Variants in CCSER1 observed in about 807,000 individuals in gnomAD.
CCSER1 encodes serine-rich coiled-coil domain-containing protein 1.
CCSER1 carries 41 observed loss-of-function variants against 82.0 expected under a neutral mutation model. The observed-to-expected ratio is 0.50, with a 90% CI of 0.39 to 0.65. CCSER1 has a LOEUF of 0.65. Among genes scored for constraint, CCSER1 ranks in the 30% least tolerant of loss-of-function variants. The probability of loss-of-function intolerance (pLI) is 0.00; values close to 1 mark genes in which losing one functional copy is unlikely to be tolerated. For missense variants in CCSER1, 1,119 were observed against 1,064.2 expected (o/e 1.05, Z -0.72); for synonymous variants, 414 against 383.9 (o/e 1.08, Z -0.92).
At chr4:90,212,683 T>C (rs1424624140) in intron 1 of CCSER1, among the ~76,000 whole-genome samples, 1 of 152,214 alleles carries the variant, frequency 6.6e-6, no homozygotes, top group African/African-American at 2.4e-5. Context: ...CAAAAGAGTA[T>C]AGATATATTG....
intron 9 of CCSER1, among the ~76,000 whole-genome samples, chr4:90,956,073 C>A (rs934606082): frequency 6.6e-6 from 1 of 151,966 alleles, no homozygotes; most frequent in African/African-American, 2.4e-5. Flanking sequence ...GGGTGTAGGA[C>A]CGAGAACAGT....
Position 90,634,278 on chromosome 4 carries a change from T to C in CCSER1, c.1932+6046T>C, listed in dbSNP as rs73833741. Among the ~76,000 whole-genome samples, 903 of 151,826 alleles carry C rather than the reference T, an allele frequency of 5.9e-3. 11 individuals carry two copies. Among genetic ancestry groups the C allele is most frequent in the African/African-American group, 0.02 (843 of 41,534 alleles). On this transcript the variant is annotated intron_variant, in intron 6 of 10. Transcript: ENST00000509176. ...CAGGCCCATATAGTTGATGCAAATA[T>C]TGGGGCTGTGAAACATTTGCAAAAG...
chr4:91,446,986 T>A (rs1755607460), intron 10 of CCSER1, among the ~76,000 whole-genome samples: 1 of 152,044 alleles, frequency 6.6e-6, no homozygotes, highest in Non-Finnish European at 1.5e-5. Context: ...TTTCCCTAAG[T>A]TAAGGGTAGC....
intron 10 of CCSER1, among the ~76,000 whole-genome samples, chr4:91,247,605 A>G (rs1241503734): frequency 6.6e-6 from 1 of 152,190 alleles, no homozygotes; most frequent in African/African-American, 2.4e-5. Context: ...ATGGTGGCTC[A>G]TGCCTGTAAT....
chr4:90,598,289 T>G (rs1292293347), intron 5 of CCSER1, among the ~76,000 whole-genome samples: 1 of 152,152 alleles, frequency 6.6e-6, no homozygotes, highest in Non-Finnish European at 1.5e-5. Context: ...TTAAATATAC[T>G]TTAAGTTTTA....
intron 1 of CCSER1, among the ~76,000 whole-genome samples, chr4:90,140,947 G>T (rs186872060): frequency 2.6e-5 from 4 of 152,092 alleles, no homozygotes; most frequent in Admixed American, 1.3e-4. Flanking sequence ...TTACCGGAGT[G>T]AGCCACCGCG....
intron 9 of CCSER1, among the ~76,000 whole-genome samples, chr4:91,054,898 T>C (rs548421511): frequency 1.3e-5 from 2 of 152,326 alleles, no homozygotes; most frequent in African/African-American, 4.8e-5. Flanking sequence ...TTTGAGATAC[T>C]TAACCTGTAG....
intron 9 of CCSER1, among the ~76,000 whole-genome samples, chr4:90,953,084 T>C (rs1733080062): frequency 6.6e-6 from 1 of 152,054 alleles, no homozygotes; most frequent in Non-Finnish European, 1.5e-5. Context: ...GTATAAAGGA[T>C]TTTCAGATGC....
chr4:91,411,856 TAA>T (rs35429800), intron 10 of CCSER1, among the ~76,000 whole-genome samples: 13 of 148,588 alleles, frequency 8.7e-5, no homozygotes, highest in East Asian at 2.0e-4. Context: ...TGTTACACAG[TAA>T]AAAAAAAAAG....
chr4:90,930,759 T>C (rs897454757), intron 9 of CCSER1, among the ~76,000 whole-genome samples: 8 of 151,838 alleles, frequency 5.3e-5, no homozygotes, highest in Non-Finnish European at 1.2e-4. Flanking sequence ...TATTATAATC[T>C]GTATGAAGCT....
At chr4:90,469,487 G>A (rs1764063433) in intron 5 of CCSER1, among the ~76,000 whole-genome samples, 1 of 146,524 alleles carries the variant, frequency 6.8e-6, no homozygotes, top group Non-Finnish European at 1.5e-5. Flanking sequence ...TTTGCCAATT[G>A]AATTATATTA....
intron 5 of CCSER1, among the ~76,000 whole-genome samples, chr4:90,473,557 AT>A (rs1764670168): frequency 6.6e-6 from 1 of 152,198 alleles, no homozygotes; most frequent in African/African-American, 2.4e-5. Context: ...AGACATTATC[AT>A]TTAGTACAAA....
At chr4:90,254,457 G>A (rs1722918812) in intron 1 of CCSER1, among the ~76,000 whole-genome samples, 1 of 152,104 alleles carries the variant, frequency 6.6e-6, no homozygotes, top group Admixed American at 6.6e-5. Flanking sequence ...GGACATTCAG[G>A]GCTCAGTATT....
intron 9 of CCSER1, among the ~76,000 whole-genome samples, chr4:90,962,239 A>T (rs1561423189): frequency 1.3e-5 from 2 of 152,086 alleles, no homozygotes; most frequent in Non-Finnish European, 2.9e-5. Context: ...TGTAAAAAAA[A>T]ATCTCTTAGT....
rs1560919228 is a variant in CCSER1, at chr4:90,271,848, ATATATATATATATATTTTTTTTTTTTTT to A, written c.-41-36394_-41-36367del. On this transcript the variant is annotated intron_variant, in intron 1 of 10. Transcript: ENST00000509176. ...AATTTATATATATATATATATATATATATATATATATATATTTTTTTTTTTTTTTTTTTTTTTTTTTTAAAAGGAGGTT... is the reference window on the plus strand; with the variant it reads ...AATTTATATATATATATATATATATATTTTTTTTTTTTTTAAAAGGAGGTT... Among the ~76,000 whole-genome samples, 28 of 23,342 alleles carry A rather than the reference ATATATATATATATATTTTTTTTTTTTTT, an allele frequency of 1.2e-3. 2 individuals carry two copies. Among genetic ancestry groups the A allele is most frequent in the African/African-American group, 7.5e-3 (19 of 2,536 alleles). 15.3% of individuals were successfully genotyped at this position (23,342 alleles called of 152,430 possible). A position where few individuals can be genotyped will look rare whatever the true frequency, so the allele number is the denominator to read the frequency against.
At chr4:90,809,508 A>G (rs950552309) in intron 7 of CCSER1, among the ~76,000 whole-genome samples, 3 of 152,156 alleles carry the variant, frequency 2.0e-5, no homozygotes, top group Admixed American at 2.0e-4. Context: ...CCAGAGTGAT[A>G]TAATAGACAC....
At chr4:91,409,798 T>A (rs1752921859) in intron 10 of CCSER1, among the ~76,000 whole-genome samples, 1 of 152,186 alleles carries the variant, frequency 6.6e-6, no homozygotes, top group Non-Finnish European at 1.5e-5. Context: ...TTCTCCTGCC[T>A]CAGCCTCCTG....
At chr4:90,811,794 A>G (rs928568599) in intron 7 of CCSER1, among the ~76,000 whole-genome samples, 1 of 151,924 alleles carries the variant, frequency 6.6e-6, no homozygotes, top group Non-Finnish European at 1.5e-5. Context: ...GAGTAGTTGT[A>G]CTTAAGAGCT....
At chr4:90,252,333 A>T (rs1001180537) in intron 1 of CCSER1, among the ~76,000 whole-genome samples, 5 of 151,942 alleles carry the variant, frequency 3.3e-5, no homozygotes, top group African/African-American at 4.8e-5. Context: ...AGCTCTAAGC[A>T]TTGCTTAAGT....
Sources: gnomAD v4.1 joint callset for allele counts (sites outside exome capture counted in the v4.1 genomes callset) on GRCh38, gnomAD v4.1.1 for gene constraint, MANE v1.5 for transcripts, NCBI Gene and HGNC (gene_info 2026-07-23, HGNC 2026-07-21) for gene names.